The following C3orf49 variants were observed in gnomAD, a reference collection of about 807,000 sequenced individuals.
The protein encoded by C3orf49 is putative uncharacterized protein C3orf49.
C3orf49 carries 27 observed loss-of-function variants against 13.3 expected under a neutral mutation model. The ratio of observed to expected loss-of-function variants is 2.02; its 90% CI spans 1.49 to 2.79. The LOEUF (loss-of-function observed/expected upper bound fraction) is 2.79, where lower values mean the gene tolerates loss of function less well. Ranked by LOEUF, C3orf49 falls within the 30% of genes most tolerant of loss-of-function variation. The pLI, the probability that C3orf49 is intolerant of heterozygous loss-of-function variation, is 0.00. For synonymous variants in C3orf49, 87 were observed against 47.6 expected (o/e 1.83, Z -3.40); for missense variants, 242 against 134.2 (o/e 1.80, Z -3.97).
the C3orf49 span, among the ~76,000 whole-genome samples, chr3:63,791,840 A>C: frequency 2.0e-5 from 3 of 152,196 alleles, no homozygotes; most frequent in Non-Finnish European, 4.4e-5. Context: ...TTCTTTTTCA[A>C]ATGTGAACAT....
At chr3:63,830,592 A>G (rs1159731899) in intron 3 of C3orf49, among the ~76,000 whole-genome samples, 2 of 152,228 alleles carry the variant, frequency 1.3e-5, no homozygotes, top group African/African-American at 4.8e-5. Context: ...TAGGACAGGT[A>G]CTTGTAACCA....
the C3orf49 span, among the ~76,000 whole-genome samples, chr3:63,785,709 G>A: frequency 1.3e-5 from 2 of 152,118 alleles, no homozygotes; most frequent in Non-Finnish European, 2.9e-5. Flanking sequence ...TACTTCCACA[G>A]CAGGATGCAA....
intron 1 of C3orf49, 148 bp downstream of exon 1, chr3:63,819,744 C>A: frequency 1.7e-6 from 1 of 580,312 alleles, no homozygotes; most frequent in Non-Finnish European, 3.1e-6. Flanking sequence ...TCTAGTGTGA[C>A]AATGTAAGCT....
intron 1 of C3orf49, among the ~76,000 whole-genome samples, chr3:63,821,546 C>G (rs1701394074): frequency 6.6e-6 from 1 of 151,854 alleles, no homozygotes; most frequent in Admixed American, 6.6e-5. Context: ...TGGAAACAAC[C>G]CAAGTATCCT....
rs1192936939 is a variant in C3orf49, at chr3:63,823,312, C to G, written c.188C>G (p.Ser63Ter). ...KQNVLVPKEE[S>*]SSDSDMGFHE... ...AATGTATTGGTCCCTAAAGAGGAAT[C>G]ATCCAGTGATAGTGACATGGGATTT... Residue 63 changes from serine (S) to a stop codon, truncating the protein, a stop_gained, in exon 2 of 7, where the codon TCA (serine) becomes TGA (stop). Transcript: ENST00000295896. LOFTEE classifies it high-confidence loss of function. 5 of 703,070 alleles carry G rather than the reference C, an allele frequency of 7.1e-6. No homozygotes were observed. In the South Asian group the frequency reaches 7.4e-5, roughly 10 times the overall value. The allele number at this position is 703,070 out of a possible 1,614,324, so 43.6% of individuals were successfully genotyped here. A position where few individuals can be genotyped will look rare whatever the true frequency, so the allele number is the denominator to read the frequency against.
chr3:63,791,043 G>C, the C3orf49 span, among the ~76,000 whole-genome samples: 1 of 152,178 alleles, frequency 6.6e-6, no homozygotes, highest in Admixed American at 6.5e-5. Context: ...GGTTACTCCA[G>C]GGAGATGTAA....
the C3orf49 span, among the ~76,000 whole-genome samples, chr3:63,785,065 C>CTTTTTTTTTTTTTTTT: frequency 2.2e-4 from 14 of 64,968 alleles, 1 homozygote; most frequent in South Asian, 8.2e-4. Context: ...TCTTCTTCTT[C>CTTTTTTTTTTTTTTTT]TTTTTTTTTT....
At chr3:63,847,204 T>C (rs1379383295) in intron 6 of C3orf49, among the ~76,000 whole-genome samples, 1 of 152,158 alleles carries the variant, frequency 6.6e-6, no homozygotes, top group African/African-American at 2.4e-5. Context: ...ATAAAAAAAG[T>C]TCCTATAAAT....
the C3orf49 span, among the ~76,000 whole-genome samples, chr3:63,807,717 C>T: frequency 5.6e-4 from 85 of 151,296 alleles, no homozygotes; most frequent in African/African-American, 1.8e-3. Flanking sequence ...ATTAGTCGGG[C>T]GTGGTGGTGG....
chr3:63,846,805 G>C (rs990405204), intron 6 of C3orf49, among the ~76,000 whole-genome samples: 4 of 152,276 alleles, frequency 2.6e-5, no homozygotes, highest in African/African-American at 9.6e-5. Flanking sequence ...GAAAGAGGCA[G>C]AATGATAGTC....
chr3:63,817,846 C>T (rs1005293431), upstream of C3orf49, among the ~76,000 whole-genome samples: 2 of 152,116 alleles, frequency 1.3e-5, no homozygotes, highest in Admixed American at 6.5e-5. Context: ...AAACAGCTGT[C>T]TTTCCTAGCA....
chr3:63,825,661 C>G (rs545539834), intron 2 of C3orf49, among the ~76,000 whole-genome samples: 5 of 152,286 alleles, frequency 3.3e-5, no homozygotes, highest in African/African-American at 1.2e-4. Context: ...GTTGTGGCCC[C>G]AAATCAGTTG....
chr3:63,794,937 C>A, the C3orf49 span, among the ~76,000 whole-genome samples: 3 of 152,246 alleles, frequency 2.0e-5, no homozygotes, highest in African/African-American at 7.2e-5. Context: ...CTCTGCAAAC[C>A]CCCCACCTTT....
the C3orf49 span, among the ~76,000 whole-genome samples, chr3:63,813,271 G>C: frequency 3.9e-5 from 6 of 152,316 alleles, no homozygotes; most frequent in South Asian, 1.2e-3. Context: ...TCCAGAGGTG[G>C]AATGCTGGCT....
the C3orf49 span, among the ~76,000 whole-genome samples, chr3:63,799,307 A>C: frequency 0.038 from 5,739 of 152,252 alleles, 259 homozygotes; most frequent in African/African-American, 0.11. Context: ...AGTGTACTCA[A>C]TACTTTTTAA....
the C3orf49 span, among the ~76,000 whole-genome samples, chr3:63,780,689 T>A: frequency 6.6e-6 from 1 of 152,218 alleles, no homozygotes; most frequent in African/African-American, 2.4e-5. Context: ...TTCTAACTGG[T>A]GTGAGATGGT....
At chr3:63,787,804 AC>A in the C3orf49 span, among the ~76,000 whole-genome samples, 1 of 152,224 alleles carries the variant, frequency 6.6e-6, no homozygotes, top group Non-Finnish European at 1.5e-5. Context: ...TATTTGAGCC[AC>A]AAAATAACAA....
At chr3:63,836,040 T>G (rs1000126641) in intron 5 of C3orf49, among the ~76,000 whole-genome samples, 1 of 152,028 alleles carries the variant, frequency 6.6e-6, no homozygotes, top group Non-Finnish European at 1.5e-5. Flanking sequence ...TAACTGAAAT[T>G]CAATATTTTA....
chr3:63,836,681 TACTC>T (rs1176931139), intron 5 of C3orf49, among the ~76,000 whole-genome samples: 1 of 152,028 alleles, frequency 6.6e-6, no homozygotes, highest in African/African-American at 2.4e-5. Flanking sequence ...AGAAGGATCT[TACTC>T]ACTAGTTGTC....
Sources: allele counts gnomAD v4.1 joint callset (sites outside exome capture counted in the v4.1 genomes callset), GRCh38; gene constraint gnomAD v4.1.1; transcripts MANE v1.5; gene names NCBI Gene and HGNC (gene_info 2026-07-23, HGNC 2026-07-21).